The following PGCKA1 variants were observed in gnomAD, a reference collection of about 807,000 sequenced individuals.
The protein encoded by PGCKA1 is PDCD10 and GCKIII kinases-associated protein 1.
chr4:37,573,869 T>C, the PGCKA1 span, among the ~76,000 whole-genome samples: 1 of 152,220 alleles, frequency 6.6e-6, no homozygotes, highest in Non-Finnish European at 1.5e-5. Flanking sequence ...CCCTACATCC[T>C]ACACTGACAT....
the PGCKA1 span, among the ~76,000 whole-genome samples, chr4:37,464,898 A>C: frequency 6.6e-6 from 1 of 152,214 alleles, no homozygotes; most frequent in African/African-American, 2.4e-5. Context: ...GAATTTGAGG[A>C]AAGGAAGCAA....
At chr4:37,581,929 A>G in the PGCKA1 span, among the ~76,000 whole-genome samples, 1 of 152,310 alleles carries the variant, frequency 6.6e-6, no homozygotes, top group East Asian at 1.9e-4. The surrounding 1 kb of genome is among the most constrained non-coding windows in gnomAD (Gnocchi z 4.4). Flanking sequence ...CAACTGGAAT[A>G]TATAATTTCC....
chr4:37,476,422 C>G, the PGCKA1 span, among the ~76,000 whole-genome samples: 1 of 152,162 alleles, frequency 6.6e-6, no homozygotes. Flanking sequence ...AAAGCCATAT[C>G]CCTTCAGCAT....
At chr4:37,453,575 ATTTGT>A in the PGCKA1 span, among the ~76,000 whole-genome samples, 1 of 152,106 alleles carries the variant, frequency 6.6e-6, no homozygotes, top group South Asian at 2.1e-4. Context: ...CAGCGGGTGC[ATTTGT>A]TTTGTGTATC....
the PGCKA1 span, among the ~76,000 whole-genome samples, chr4:37,592,485 C>A: frequency 6.6e-6 from 1 of 152,148 alleles, no homozygotes; most frequent in Non-Finnish European, 1.5e-5. Flanking sequence ...CTGATCTTAC[C>A]TCAAAGATGA....
the PGCKA1 span, among the ~76,000 whole-genome samples, chr4:37,495,123 GA>G: frequency 6.6e-6 from 1 of 151,728 alleles, no homozygotes; most frequent in African/African-American, 2.4e-5. Context: ...ACAAACATAT[GA>G]AAAAAAGCTC....
the PGCKA1 span, among the ~76,000 whole-genome samples, chr4:37,533,219 A>G: frequency 6.6e-6 from 1 of 152,366 alleles, no homozygotes; most frequent in Admixed American, 6.5e-5. Flanking sequence ...CCCAAAGAAC[A>G]GTAAGTTAAT....
the PGCKA1 span, among the ~76,000 whole-genome samples, chr4:37,500,581 G>C: frequency 2.0e-5 from 3 of 152,348 alleles, no homozygotes; most frequent in Non-Finnish European, 4.4e-5. Flanking sequence ...GCAATGAGAG[G>C]AATGTATATT....
At chr4:37,545,573 G>T in the PGCKA1 span, among the ~76,000 whole-genome samples, 1 of 152,320 alleles carries the variant, frequency 6.6e-6, no homozygotes, top group East Asian at 1.9e-4. Context: ...TTGTTTTCCA[G>T]AGTGCTGATT....
the PGCKA1 span, among the ~76,000 whole-genome samples, chr4:37,541,970 C>G: frequency 6.6e-6 from 1 of 152,164 alleles, no homozygotes; most frequent in Non-Finnish European, 1.5e-5. Flanking sequence ...AGCATGCACT[C>G]TATACAGCAT....
chr4:37,490,192 TAAC>T, the PGCKA1 span, among the ~76,000 whole-genome samples: 77 of 152,238 alleles, frequency 5.1e-4, no homozygotes, highest in African/African-American at 1.8e-3. Context: ...ATAATTCTCA[TAAC>T]AACCATATGG....
the PGCKA1 span, among the ~76,000 whole-genome samples, chr4:37,513,537 C>T: frequency 1.3e-5 from 2 of 152,166 alleles, no homozygotes; most frequent in African/African-American, 4.8e-5. Context: ...CAGATTGGGG[C>T]CCCACCCTTA....
chr4:37,584,876 C>T, the PGCKA1 span, among the ~76,000 whole-genome samples: 1 of 151,874 alleles, frequency 6.6e-6, no homozygotes, highest in African/African-American at 2.4e-5. Context: ...TTGAATTCAC[C>T]ATCATAAAGT....
chr4:37,523,112 A>G, the PGCKA1 span, among the ~76,000 whole-genome samples: 1 of 152,190 alleles, frequency 6.6e-6, no homozygotes, highest in African/African-American at 2.4e-5. Context: ...GACACAGAGC[A>G]CTTTGGCCCT....
At chr4:37,454,423 T>A in the PGCKA1 span, among the ~76,000 whole-genome samples, 1 of 152,186 alleles carries the variant, frequency 6.6e-6, no homozygotes, top group African/African-American at 2.4e-5. Context: ...CTGCAAGAGA[T>A]TTTACCTTAG....
chr4:37,455,196 C>T, the PGCKA1 span, among the ~76,000 whole-genome samples: 1 of 152,148 alleles, frequency 6.6e-6, no homozygotes, highest in East Asian at 1.9e-4. Flanking sequence ...GCCTACCCCT[C>T]CCCCTTCCCC....
At chr4:37,504,477 A>G in the PGCKA1 span, among the ~76,000 whole-genome samples, 1 of 151,970 alleles carries the variant, frequency 6.6e-6, no homozygotes, top group African/African-American at 2.4e-5. Flanking sequence ...TATCATAGGT[A>G]TTTTGATAAG....
chr4:37,590,029 G>A, the PGCKA1 span: 6 of 1,214,762 alleles, frequency 4.9e-6, no homozygotes, highest in East Asian at 9.4e-5. Context: ...AGCAGGGCCT[G>A]TGGTAAAAAG....
the PGCKA1 span, among the ~76,000 whole-genome samples, chr4:37,479,640 A>C: frequency 6.6e-6 from 1 of 152,220 alleles, no homozygotes; most frequent in African/African-American, 2.4e-5. Context: ...AGCATGTGCA[A>C]AGGCTCGGTG....
Sources: allele counts gnomAD v4.1 joint callset (sites outside exome capture counted in the v4.1 genomes callset), GRCh38; gene constraint gnomAD v4.1.1; non-coding constraint Gnocchi (gnomAD v3.1); transcripts MANE v1.5; gene names NCBI Gene and HGNC (gene_info 2026-07-23, HGNC 2026-07-21).